ACACA: variants seen among roughly 807,000 people sequenced by gnomAD.
ACACA encodes the protein acetyl-CoA carboxylase 1.
In ACACA, 103 loss-of-function variants were observed where a neutral mutation model predicts 296.1. The observed-to-expected ratio is 0.35, with a 90% CI of 0.30 to 0.41. ACACA has a LOEUF of 0.41. Among genes scored for constraint, ACACA ranks in the 10% least tolerant of loss-of-function variants. The pLI is 1.00. For missense variants in ACACA, 1,554 were observed against 2,989.7 expected (o/e 0.52, Z 11.20); for synonymous variants, 953 against 1,038.6 (o/e 0.92, Z 1.58).
chr17:37,272,235 T>C (rs768949272), intron 9 of ACACA, among the ~76,000 whole-genome samples: 3 of 152,048 alleles, frequency 2.0e-5, no homozygotes, highest in Non-Finnish European at 2.9e-5. Context: ...TCACAGCCAC[T>C]TGGAGGCTGA....
intron 3 of ACACA, among the ~76,000 whole-genome samples, chr17:37,326,553 G>A (rs192712716): frequency 2.1e-4 from 32 of 151,328 alleles, no homozygotes; most frequent in Admixed American, 2.0e-3. Flanking sequence ...AAAAAAGGCT[G>A]GGCATGCTGG....
rs758810793 is a variant in ACACA, at chr17:37,188,388, G to T, written c.4665C>A (p.Arg1555=). The T allele has an allele frequency of 8.1e-6, 13 of 1,614,010 alleles. No individual in the cohort carries two copies. Among genetic ancestry groups the T allele is most frequent in the Admixed American group, 3.3e-5 (2 of 59,996 alleles). The part of the protein sequence containing the change: ...VLQAELKINI[R]LTPTGKAIPI... ...GAATTGCTTTTCCAGTTGGCGTCAG[G>T]CGAATGTTGATTTTCAGTTCTGCCT... Residue 1555 remains arginine, a synonymous_variant, in exon 39 of 56, where the codon CGC becomes CGA. Transcript: ENST00000616317.
intron 25 of ACACA, among the ~76,000 whole-genome samples, chr17:37,229,143 C>CAAA (rs11454831): frequency 1.9e-5 from 2 of 106,170 alleles, no homozygotes; most frequent in Non-Finnish European, 2.1e-5. Context: ...GACTCCGTCT[C>CAAA]AAAAAAAAAA....
chr17:37,354,481 A>AT (rs1210159836), intron 1 of ACACA, among the ~76,000 whole-genome samples: 1 of 152,246 alleles, frequency 6.6e-6, no homozygotes, highest in Admixed American at 6.5e-5. Flanking sequence ...AGCTAAACTC[A>AT]TAAGAATTAA....
chr17:37,285,080 T>G (rs1245520115), intron 3 of ACACA, 110 bp from the exon 4 acceptor site: 10 of 1,218,320 alleles, frequency 8.2e-6, no homozygotes, highest in South Asian at 4.9e-5. Flanking sequence ...GAAGACTGCA[T>G]GCTGGCAGGT....
At chr17:37,305,268 G>T (rs897860755) in intron 3 of ACACA, among the ~76,000 whole-genome samples, 2 of 152,064 alleles carry the variant, frequency 1.3e-5, no homozygotes, top group East Asian at 1.9e-4. Flanking sequence ...TTACTAGTTT[G>T]TTTTTTTCTT....
chr17:37,089,784 G>A lies in ACACA; in HGVS notation c.6892-710C>T, dbSNP rs559648286. ...AGATCATTTAGCTGAGTATTTCCTA[G>A]GTGGTTGACTACATAATAATTCAGG... On this transcript the variant is annotated intron_variant, in intron 54 of 55. Transcript: ENST00000616317. 4.6e-5 allele frequency among the ~76,000 whole-genome samples: 7 copies of A among 152,284 alleles called. No homozygotes were observed. The South Asian group carries it at 1.5e-3, about 32-fold the overall frequency.
chr17:37,115,272 T>C (rs1225416148), intron 50 of ACACA, among the ~76,000 whole-genome samples: 2 of 152,272 alleles, frequency 1.3e-5, no homozygotes, highest in Non-Finnish European at 2.9e-5. Flanking sequence ...AATTGCTCAG[T>C]TCAAATTATT....
intron 42 of ACACA, 97 bp from the exon 43 acceptor site, chr17:37,155,877 G>T (rs1401169338): frequency 2.5e-6 from 2 of 814,616 alleles, no homozygotes; most frequent in East Asian, 4.9e-5. Flanking sequence ...TCCACAGCTA[G>T]CTTTAAATTG....
At chr17:37,390,334 A>ATATATCT (rs2050822111) in intron 1 of ACACA, among the ~76,000 whole-genome samples, 1 of 93,424 alleles carries the variant, frequency 1.1e-5, no homozygotes, top group African/African-American at 4.5e-5. Flanking sequence ...ATATATATAT[A>ATATATCT]AAAGGCCAGC....
chr17:37,318,291 G>A (rs2047187746), intron 3 of ACACA, among the ~76,000 whole-genome samples: 1 of 152,112 alleles, frequency 6.6e-6, no homozygotes, highest in African/African-American at 2.4e-5. Context: ...AGGCTGGAGT[G>A]CAGTGCAGTG....
chr17:37,282,387 C>T (rs2082580500), intron 5 of ACACA, among the ~76,000 whole-genome samples: 1 of 152,194 alleles, frequency 6.6e-6, no homozygotes, highest in African/African-American at 2.4e-5. Context: ...CCAATTAAAC[C>T]TCTTTTCTTT....
At chr17:37,107,128 T>C (rs923886626) in intron 52 of ACACA, among the ~76,000 whole-genome samples, 13 of 152,192 alleles carry the variant, frequency 8.5e-5, no homozygotes, top group Non-Finnish European at 1.8e-4. Context: ...ACAGTGGCCA[T>C]AGTGTCAGTG....
intron 1 of ACACA, among the ~76,000 whole-genome samples, chr17:37,342,207 G>A (rs1291472301): frequency 6.6e-6 from 1 of 150,902 alleles, no homozygotes; most frequent in Non-Finnish European, 1.5e-5. Context: ...TTCGGAGTTC[G>A]AGAACAGCTG....
intron 27 of ACACA, among the ~76,000 whole-genome samples, chr17:37,224,619 C>A (rs7222727): frequency 0.026 from 3,890 of 151,896 alleles, 125 homozygotes; most frequent in African/African-American, 0.074. Context: ...ACATCTGATT[C>A]AAATATCATA....
At chr17:37,189,713 C>A (rs918044986) in intron 38 of ACACA, among the ~76,000 whole-genome samples, 5 of 152,076 alleles carry the variant, frequency 3.3e-5, no homozygotes, top group Admixed American at 2.6e-4. Flanking sequence ...CTTATTAGTC[C>A]CAGAATGCTT....
chr17:37,229,752 A>C (rs1008225446), intron 25 of ACACA, among the ~76,000 whole-genome samples: 4 of 152,146 alleles, frequency 2.6e-5, no homozygotes, highest in Non-Finnish European at 2.9e-5. Context: ...TATGTGTAAG[A>C]AAAGCGAACT....
At chr17:37,375,848 G>A (rs925795109) in intron 1 of ACACA, 6 of 461,152 alleles carry the variant, frequency 1.3e-5, no homozygotes, top group East Asian at 6.6e-5. Context: ...TCTCTATGTC[G>A]GCACCGGCAG....
chr17:37,130,731 G>A (rs2075051547), intron 45 of ACACA, among the ~76,000 whole-genome samples: 1 of 152,086 alleles, frequency 6.6e-6, no homozygotes, highest in South Asian at 2.1e-4. Flanking sequence ...GGTGGGTGAG[G>A]CTGAGACCCA....
Sources: allele counts gnomAD v4.1 joint callset (sites outside exome capture counted in the v4.1 genomes callset), GRCh38; gene constraint gnomAD v4.1.1; transcripts MANE v1.5; gene names NCBI Gene and HGNC (gene_info 2026-07-23, HGNC 2026-07-21).